Variants in PSD observed in about 807,000 individuals in gnomAD.
PSD encodes the protein PH and SEC7 domain-containing protein 1.
In PSD, 32 loss-of-function variants were observed where a neutral mutation model predicts 91.6. That is an observed-to-expected ratio of 0.35 (90% confidence interval 0.26 to 0.47). The LOEUF (loss-of-function observed/expected upper bound fraction) is 0.47, where lower values mean the gene tolerates loss of function less well. Among genes scored for constraint, PSD ranks in the 20% least tolerant of loss-of-function variants. PSD has a pLI of 1.00. For synonymous variants in PSD, 532 were observed against 569.3 expected, an observed-to-expected ratio of 0.93 and a Z score of 0.93; for missense variants, 1,099 against 1,373.9, an observed-to-expected ratio of 0.80 and a Z score of 3.16.
intron 10 of PSD, chr10:102,408,776 C>G (rs947143589): frequency 1.5e-6 from 1 of 653,270 alleles, no homozygotes; most frequent in Non-Finnish European, 1.9e-6. Flanking sequence ...CTCTGGCTGC[C>G]CATGACCTCT....
chr10:102,406,890 C>G (rs1003429454), intron 11 of PSD, among the ~76,000 whole-genome samples: 30 of 152,274 alleles, frequency 2.0e-4, no homozygotes, highest in African/African-American at 6.5e-4. Flanking sequence ...TCCCTAGGAC[C>G]TGTGAGGGCC....
chr10:102,415,970 TG>T, intron 3 of PSD, 46 bp downstream of exon 3: 1 of 1,460,220 alleles, frequency 6.8e-7, no homozygotes, highest in African/African-American at 1.4e-5. Context: ...TCAGCTGCTG[TG>T]GGGAAGGCCC....
At position 102,414,615 on chromosome 10, in the gene PSD, T is replaced by C. The variant is rs796628460; in HGVS notation, c.1124+248A>G. Among the ~76,000 whole-genome samples the C allele has an allele frequency of 2.0e-5, 3 of 152,274 alleles. No homozygotes were observed. Among genetic ancestry groups the C allele is most frequent in the African/African-American group, 7.2e-5 (3 of 41,548 alleles). On this transcript the variant is annotated intron_variant, in intron 4 of 16. Coordinates refer to ENST00000020673, the MANE Select transcript of PSD (RefSeq NM_002779.5). The surrounding 1 kb of genome is among the most constrained non-coding windows in gnomAD (Gnocchi z 5.6). ...ACTCATGCTCCTGTGTTCCTGGGCT[T>C]GACTGTGGCCTCTGGCCTCTCACCC...
In PSD at chr10:102,412,227, G is replaced by A. The variant is rs145791657; in HGVS notation, c.1749C>T (p.Asn583=). ...CAGCCACCAGTTTGCTGAAGTCATT[G>A]CTGTGGGCAGGGCAGAGAGACAGGT... ...KADVARHLGK[N]NDFSKLVAGE... The change falls in exon 7 of 17, where the codon AAC becomes AAT. Residue 583 remains asparagine, a splice_region_variant and synonymous_variant. Coordinates refer to ENST00000020673, the MANE Select transcript of PSD (RefSeq NM_002779.5). 918 of 1,614,158 alleles carry A rather than the reference G, an allele frequency of 5.7e-4. 1 individual carries two copies. Among genetic ancestry groups the A allele is most frequent in the Non-Finnish European group, 7.4e-4 (871 of 1,179,994 alleles).
In PSD at chr10:102,418,652, C is replaced by T. The variant is rs934236042; in HGVS notation, c.-84+49G>A. 15 of 450,286 alleles carry T rather than the reference C, an allele frequency of 3.3e-5. 1 individual carries two copies. Among genetic ancestry groups the T allele is most frequent in the Admixed American group, 2.6e-4 (11 of 42,298 alleles). The allele number at this position is 450,286 out of a possible 1,614,324, so 27.9% of individuals were successfully genotyped here. A position where few individuals can be genotyped will look rare whatever the true frequency, so the allele number is the denominator to read the frequency against. On this transcript the variant is annotated intron_variant, in intron 1 of 16. Transcript: ENST00000020673. ...CAGGTTCCGGAAGCTCAACGGGGTC[C>T]CAGCGCATACCCGGTGCAGCCCCAA... is the stretch of plus-strand genomic sequence containing the variant.
At position 102,405,581 on chromosome 10, in the gene PSD, G is replaced by GC. The variant is rs779833103; in HGVS notation, c.2136-46dup. ...AGAGGGGGCTGGCCATGGAGCCGCGGCCCCCGCTTCAGTTCTGGCCTCTGC... is the reference window on the plus strand; with the variant it reads ...AGAGGGGGCTGGCCATGGAGCCGCGGCCCCCCGCTTCAGTTCTGGCCTCTGC... On this transcript the variant is annotated intron_variant, in intron 11 of 16. Transcript: ENST00000020673. This position sits in a 1 kb window ranked among gnomAD's most constrained non-coding sequence, Gnocchi z 5.4. 1 of 1,559,458 alleles carries GC rather than the reference G, an allele frequency of 6.4e-7. No homozygotes were observed. The highest frequency in any genetic ancestry group is 1.8e-5 in the Admixed American group (1 of 56,194).
In PSD at chr10:102,402,717, T is replaced by C. The variant is rs1015868482; in HGVS notation, c.*483A>G. 9 of 292,928 alleles carry C rather than the reference T, an allele frequency of 3.1e-5. No individual in the cohort carries two copies. Among genetic ancestry groups the C allele is most frequent in the Non-Finnish European group, 5.7e-5 (9 of 157,206 alleles). 18.1% of individuals were successfully genotyped at this position (292,928 alleles called of 1,614,324 possible). A position where few individuals can be genotyped will look rare whatever the true frequency, so the allele number is the denominator to read the frequency against. ...GGCCGTGCTGCCCCCGGCCCAGGTA[T>C]GGGGCCTTGGCATGGACGCCCTTCC... is the stretch of plus-strand genomic sequence containing the variant. On this transcript the variant is annotated 3_prime_UTR_variant, in exon 17 of 17. Transcript: ENST00000020673.
chr10:102,418,669 C>T, intron 1 of PSD, 32 bp downstream of exon 1: 1 of 454,664 alleles, frequency 2.2e-6, no homozygotes, highest in Non-Finnish European at 4.4e-6. Flanking sequence ...ATACCCGGTG[C>T]AGCCCCAACT....
intron 10 of PSD, among the ~76,000 whole-genome samples, chr10:102,408,176 T>G (rs889912195): frequency 6.6e-6 from 1 of 152,204 alleles, no homozygotes; most frequent in Non-Finnish European, 1.5e-5. Flanking sequence ...AGCATGTGCA[T>G]GTTGGGCTAA....
Position 102,414,727 on chromosome 10 carries a change from C to G in PSD, c.1124+136G>C. 8.4e-7 allele frequency: 1 copy of G among 1,194,374 alleles called. No homozygotes were observed. Among genetic ancestry groups the G allele is most frequent in the Non-Finnish European group, 1.1e-6 (1 of 892,964 alleles). 74.0% of individuals were successfully genotyped at this position (1,194,374 alleles called of 1,614,324 possible). On this transcript the variant is annotated intron_variant, in intron 4 of 16. Transcript: ENST00000020673. The surrounding 1 kb of genome is among the most constrained non-coding windows in gnomAD (Gnocchi z 5.6). ...AGCCTCAGGCCTCTGTCTAGAATCT[C>G]CTGCTATACACACTGCCCCGCCAGC...
At chr10:102,406,262 A>G (rs1341768768) in intron 11 of PSD, 1 of 152,022 alleles carries the variant, frequency 6.6e-6, no homozygotes, top group African/African-American at 2.4e-5. Context: ...GCCTTCCCTG[A>G]TCTCCCCCTG....
chr10:102,413,263 C>T (rs1012281684), intron 5 of PSD, among the ~76,000 whole-genome samples: 1 of 152,188 alleles, frequency 6.6e-6, no homozygotes, highest in Non-Finnish European at 1.5e-5. Context: ...GCCATGGCTT[C>T]CATGACTGAG....
At chr10:102,413,473 G>A (rs970470411) in intron 5 of PSD, among the ~76,000 whole-genome samples, 15 of 152,114 alleles carry the variant, frequency 9.9e-5, no homozygotes, top group Non-Finnish European at 2.1e-4. Context: ...ACTCTGCCAA[G>A]GGAAGAAAGG....
At position 102,412,575 on chromosome 10, in the gene PSD, G is replaced by A. The variant is rs367759715; in HGVS notation, c.1554C>T (p.Ser518=). The A allele has an allele frequency of 3.6e-5, 58 of 1,608,608 alleles. No individual in the cohort carries two copies. The highest frequency in any genetic ancestry group is 2.1e-4 in the African/African-American group (16 of 74,950). ...ACACCAGCTGGCTCAGGGGTGGTTC[G>A]CTGCCGGGGTAGAACACCAGCTCAG... The part of the protein sequence containing the change: ...SLGLGAAPLG[S]EPPLSQLVSD... The change falls in exon 6 of 17, where the codon AGC becomes AGT. Residue 518 remains serine (S), a splice_region_variant and synonymous_variant. Coordinates refer to ENST00000020673, the MANE Select transcript of PSD (RefSeq NM_002779.5).
chr10:102,409,271 C>T lies in PSD; in HGVS notation c.2091+1587G>A, dbSNP rs1322248306. The T allele has an allele frequency of 2.0e-6, 2 of 985,428 alleles. No homozygotes were observed. The highest frequency in any genetic ancestry group is 2.3e-4 in the East Asian group (2 of 8,808). 61.0% of individuals were successfully genotyped at this position (985,428 alleles called of 1,614,324 possible). On this transcript the variant is annotated intron_variant, in intron 10 of 16. Coordinates refer to ENST00000020673, the MANE Select transcript of PSD (RefSeq NM_002779.5). The surrounding 1 kb of genome is among the most constrained non-coding windows in gnomAD (Gnocchi z 5.7). ...TGCGCGGCGGCGGCGGCGGCGCTGT[C>T]TGCTCTGCGGCTTGGCTAGAGCGGG... is the stretch of plus-strand genomic sequence containing the variant.
chr10:102,404,497 G>T lies in PSD; in HGVS notation c.2700+86C>A. 1 of 1,488,212 alleles carries T rather than the reference G, an allele frequency of 6.7e-7. No individual in the cohort carries two copies. Among genetic ancestry groups the T allele is most frequent in the South Asian group, 1.3e-5 (1 of 77,136 alleles). The allele number at this position is 1,488,212 out of a possible 1,614,324, so 92.2% of individuals were successfully genotyped here. On this transcript the variant is annotated intron_variant, in intron 15 of 16. Coordinates refer to ENST00000020673, the MANE Select transcript of PSD (RefSeq NM_002779.5). The surrounding 1 kb of genome is among the most constrained non-coding windows in gnomAD (Gnocchi z 5.7). Reference sequence around the variant, plus strand: ...ATCCTGGTGCAGGGGACATCTCCACGATCACACGCAGCAGCCTTGAGTGCA... The same window carrying T: ...ATCCTGGTGCAGGGGACATCTCCACTATCACACGCAGCAGCCTTGAGTGCA...
chr10:102,409,340 G>C lies in PSD; in HGVS notation c.2091+1518C>G, dbSNP rs980817239. 1.0e-5 allele frequency: 10 copies of C among 985,204 alleles called. No homozygotes were observed. The highest frequency in any genetic ancestry group is 1.2e-5 in the Non-Finnish European group (10 of 829,752). 61.0% of individuals were successfully genotyped at this position (985,204 alleles called of 1,614,324 possible). On this transcript the variant is annotated intron_variant, in intron 10 of 16. Coordinates refer to ENST00000020673, the MANE Select transcript of PSD (RefSeq NM_002779.5). The surrounding 1 kb of genome is among the most constrained non-coding windows in gnomAD (Gnocchi z 5.7). ...AAGGGAGGGCGAGGGCTGGGGGCGG[G>C]GACCGCATGAAATGGAGGCGCCCGA...
Position 102,403,102 on chromosome 10 carries a change from G to A in PSD, c.*98C>T, listed in dbSNP as rs987287161. 7.8e-6 allele frequency: 8 copies of A among 1,031,930 alleles called. No individual in the cohort carries two copies. The highest frequency in any genetic ancestry group is 3.3e-4 in the Middle Eastern group (1 of 3,002). 63.9% of individuals were successfully genotyped at this position (1,031,930 alleles called of 1,614,324 possible). On this transcript the variant is annotated 3_prime_UTR_variant, in exon 17 of 17. Coordinates refer to ENST00000020673, the MANE Select transcript of PSD (RefSeq NM_002779.5). The surrounding 1 kb of genome is among the most constrained non-coding windows in gnomAD (Gnocchi z 6.7). Reference sequence around the variant, plus strand: ...GTCCGGCGCGGTCGGGCCCTAGGCCGGGAGGCCCTCGTGGGTGGCCCGAGG... The same window carrying A: ...GTCCGGCGCGGTCGGGCCCTAGGCCAGGAGGCCCTCGTGGGTGGCCCGAGG...
chr10:102,405,494 G>T lies in PSD; in HGVS notation c.2178C>A (p.Asp726Glu), dbSNP rs2061350470. 1.2e-6 allele frequency: 2 copies of T among 1,614,014 alleles called. No individual in the cohort carries two copies. The highest frequency in any genetic ancestry group is 2.2e-5 in the East Asian group (1 of 44,876). ...ELRRSLSELA[D>E]PNPKVIKRIS... ...TCCGCTTGATGACCTTGGGGTTGGG[G>T]TCGGCCAACTCAGACAGAGAGCGTC... is the stretch of plus-strand genomic sequence containing the variant. The change falls in exon 12 of 17, where the codon GAC (aspartate) becomes GAA (glutamate). Residue 726 changes from aspartate (D) to glutamate (E), a missense_variant. By Grantham distance (45) the Asp-to-Glu change is conservative (BLOSUM62 2). Transcript: ENST00000020673. This position sits in a 1 kb window ranked among gnomAD's most constrained non-coding sequence, Gnocchi z 5.4.
Sources: allele counts gnomAD v4.1 joint callset (sites outside exome capture counted in the v4.1 genomes callset), GRCh38; gene constraint gnomAD v4.1.1; non-coding constraint Gnocchi (gnomAD v3.1); transcripts MANE v1.5; gene names NCBI Gene and HGNC (gene_info 2026-07-23, HGNC 2026-07-21).